The following XKR6 variants were observed in gnomAD, a reference collection of about 807,000 sequenced individuals.
The protein encoded by XKR6 is XK related 6.
In XKR6, 22 loss-of-function variants were observed where a neutral mutation model predicts 56.7. The ratio of observed to expected loss-of-function variants is 0.39; its 90% confidence interval spans 0.28 to 0.55. The LOEUF is 0.55. XKR6 is among the 20% of genes least tolerant of loss of function. The probability of loss-of-function intolerance (pLI) is 0.66; values close to 1 mark genes in which losing one functional copy is unlikely to be tolerated. For synonymous variants in XKR6, 524 were observed against 387.8 expected (o/e 1.35, Z -4.13); for missense variants, 852 against 889.0 (o/e 0.96, Z 0.53).
intron 2 of XKR6, among the ~76,000 whole-genome samples, chr8:10,901,412 A>G (rs1279239455): frequency 1.3e-5 from 2 of 152,000 alleles, no homozygotes; most frequent in African/African-American, 4.8e-5. Context: ...GGCTCAAACA[A>G]TCCTCCCACT....
chr8:11,191,081 G>A (rs145421282), intron 1 of XKR6, among the ~76,000 whole-genome samples: 2 of 152,218 alleles, frequency 1.3e-5, no homozygotes, highest in Admixed American at 6.5e-5. Flanking sequence ...GCCTTAGGAG[G>A]CACTTTATTG....
chr8:10,955,533 G>A (rs1309791027), intron 1 of XKR6, among the ~76,000 whole-genome samples: 2 of 152,080 alleles, frequency 1.3e-5, no homozygotes, highest in Non-Finnish European at 2.9e-5. Context: ...AGTCAGATAT[G>A]GGTCTAAGTG....
chr8:11,136,111 C>T (rs1800377848), intron 1 of XKR6, among the ~76,000 whole-genome samples: 1 of 152,142 alleles, frequency 6.6e-6, no homozygotes, highest in African/African-American at 2.4e-5. Context: ...CATCCCACCA[C>T]CGGAAGTATC....
At chr8:10,981,547 A>T (rs1428800954) in intron 1 of XKR6, among the ~76,000 whole-genome samples, 1 of 152,246 alleles carries the variant, frequency 6.6e-6, no homozygotes, top group Non-Finnish European at 1.5e-5. Flanking sequence ...AAAGCAAAAG[A>T]TATTCTGCCA....
intron 1 of XKR6, among the ~76,000 whole-genome samples, chr8:11,164,209 G>C (rs1287792734): frequency 1.3e-5 from 2 of 152,220 alleles, no homozygotes; most frequent in Non-Finnish European, 2.9e-5. Context: ...AGTGAGGTTT[G>C]AAAGTGCCTC....
chr8:11,101,913 T>C (rs1477855543), intron 1 of XKR6, among the ~76,000 whole-genome samples: 1 of 152,200 alleles, frequency 6.6e-6, no homozygotes, highest in Non-Finnish European at 1.5e-5. Flanking sequence ...AATTTTAGTG[T>C]TGTATCTTGC....
intron 1 of XKR6, among the ~76,000 whole-genome samples, chr8:10,988,070 T>C (rs529381988): frequency 1.2e-4 from 19 of 152,366 alleles, no homozygotes; most frequent in African/African-American, 4.6e-4. Context: ...CTTAATGGGC[T>C]GTTCCCGGGC....
intron 1 of XKR6, among the ~76,000 whole-genome samples, chr8:10,989,685 T>G (rs983070630): frequency 6.6e-6 from 1 of 152,240 alleles, no homozygotes; most frequent in Non-Finnish European, 1.5e-5. Flanking sequence ...AAGTTGTGAA[T>G]GTTAAACAAT....
chr8:11,091,406 C>T (rs924015097), intron 1 of XKR6, among the ~76,000 whole-genome samples: 8 of 149,586 alleles, frequency 5.3e-5, no homozygotes, highest in African/African-American at 2.0e-4. Flanking sequence ...CCCTGCACTC[C>T]AGTCTGGGCA....
chr8:10,937,819 A>T (rs1485048614), intron 1 of XKR6, among the ~76,000 whole-genome samples: 1 of 151,774 alleles, frequency 6.6e-6, no homozygotes, highest in African/African-American at 2.4e-5. Context: ...TCAGACAGGG[A>T]CATTTAAGTC....
intron 1 of XKR6, among the ~76,000 whole-genome samples, chr8:11,004,693 T>C (rs1234957209): frequency 6.6e-6 from 1 of 152,184 alleles, no homozygotes; most frequent in African/African-American, 2.4e-5. Context: ...TCTGAAGCTA[T>C]ATCCCAAATA....
chr8:11,153,055 A>G (rs1310330850), intron 1 of XKR6, among the ~76,000 whole-genome samples: 1 of 152,238 alleles, frequency 6.6e-6, no homozygotes, highest in African/African-American at 2.4e-5. Context: ...TTTGAATTAC[A>G]ATTAGAATAC....
At chr8:11,133,304 T>G (rs1800208681) in intron 1 of XKR6, among the ~76,000 whole-genome samples, 1 of 152,084 alleles carries the variant, frequency 6.6e-6, no homozygotes, top group Non-Finnish European at 1.5e-5. Flanking sequence ...AGGCCCTCCT[T>G]TGTGAGAGGC....
chr8:11,201,127 G>C lies in XKR6; in HGVS notation c.213C>G (p.Ser71=). 4.0e-6 allele frequency: 6 copies of C among 1,511,082 alleles called. 1 individual carries two copies. In the South Asian group the frequency reaches 7.3e-5, roughly 18 times the overall value. The allele number at this position is 1,511,082 out of a possible 1,614,324, so 93.6% of individuals were successfully genotyped here. A position where few individuals can be genotyped will look rare whatever the true frequency, so the allele number is the denominator to read the frequency against. The change falls in exon 1 of 3, where the codon TCC becomes TCG. Residue 71 remains serine, a synonymous_variant. Transcript: ENST00000416569. ...NTSSCYWGCR[S]ACLRSLLGRK... ...TGCCCAGGAGGGAGCGCAGGCAGGC[G>C]GAGCGGCAGCCCCAGTAGCACGAGG...
At chr8:11,054,725 G>A (rs1035390953) in intron 1 of XKR6, among the ~76,000 whole-genome samples, 2 of 152,202 alleles carry the variant, frequency 1.3e-5, no homozygotes, top group Non-Finnish European at 2.9e-5. Flanking sequence ...TGGGAAGGAG[G>A]AAGGAAGTGT....
intron 1 of XKR6, among the ~76,000 whole-genome samples, chr8:11,184,420 CTT>C (rs1368563674): frequency 1.4e-5 from 2 of 145,590 alleles, no homozygotes; most frequent in Non-Finnish European, 3.0e-5. Flanking sequence ...CACACACACA[CTT>C]ATATTACATT....
At chr8:10,950,142 G>A (rs1485633836) in intron 1 of XKR6, among the ~76,000 whole-genome samples, 1 of 152,172 alleles carries the variant, frequency 6.6e-6, no homozygotes, top group East Asian at 1.9e-4. Context: ...CAGCAGAGAG[G>A]GAGGGGCAGC....
chr8:11,167,678 C>T (rs1004791859), intron 1 of XKR6, among the ~76,000 whole-genome samples: 1 of 152,160 alleles, frequency 6.6e-6, no homozygotes, highest in Admixed American at 6.5e-5. Context: ...TAAGCTTTTT[C>T]ACCTTAGGCT....
chr8:10,972,579 A>G (rs1306677704), intron 1 of XKR6, among the ~76,000 whole-genome samples: 7 of 152,214 alleles, frequency 4.6e-5, no homozygotes, highest in African/African-American at 7.2e-5. Flanking sequence ...GTAGACCTTG[A>G]GGGCATCATG....
Sources: allele counts gnomAD v4.1 joint callset (sites outside exome capture counted in the v4.1 genomes callset), GRCh38; gene constraint gnomAD v4.1.1; transcripts MANE v1.5; gene names NCBI Gene and HGNC (gene_info 2026-07-23, HGNC 2026-07-21).